Variants in SH2D4A observed in about 807,000 individuals in gnomAD.
SH2D4A encodes the protein SH2 domain-containing protein 4A.
Under a neutral mutation model 64.7 loss-of-function variants are expected in SH2D4A, and 70 were observed. The ratio of observed to expected loss-of-function variants is 1.08; its 90% confidence interval spans 0.89 to 1.32. The LOEUF (loss-of-function observed/expected upper bound fraction) is 1.32. SH2D4A is among the 40% of genes most tolerant of loss of function. The pLI, the probability that SH2D4A is intolerant of heterozygous loss-of-function variation, is 0.00. For synonymous variants in SH2D4A, 268 were observed against 200.7 expected (o/e 1.34, Z -2.83); for missense variants, 706 against 540.1 (o/e 1.31, Z -3.04).
intron 2 of SH2D4A, among the ~76,000 whole-genome samples, chr8:19,328,414 G>A (rs1217231235): frequency 6.6e-6 from 1 of 151,778 alleles, no homozygotes; most frequent in Non-Finnish European, 1.5e-5. Context: ...ACTTCTGCCT[G>A]TCCGCTGCTG....
intron 4 of SH2D4A, among the ~76,000 whole-genome samples, chr8:19,335,142 G>A (rs905256808): frequency 4.6e-5 from 7 of 152,086 alleles, no homozygotes; most frequent in African/African-American, 1.7e-4. Context: ...AAAAAAATTA[G>A]CTGGGCGTGG....
At chr8:19,357,800 C>T (rs1239167481) in intron 5 of SH2D4A, among the ~76,000 whole-genome samples, 1 of 152,140 alleles carries the variant, frequency 6.6e-6, no homozygotes, top group East Asian at 1.9e-4. Flanking sequence ...GTCGTGTGAG[C>T]TTGCTATCAT....
Position 19,350,951 on chromosome 8 carries a change from G to C in SH2D4A, c.514-6252G>C, listed in dbSNP as rs570485169. Among the ~76,000 whole-genome samples, 9 of 152,226 alleles carry C rather than the reference G, an allele frequency of 5.9e-5. No individual in the cohort carries two copies. The South Asian group carries it at 1.9e-3, about 32-fold the overall frequency. The stretch of plus-strand genomic sequence containing the variant: ...TTCCATTGTCCTAATTCATGTGTCA[G>C]TAAAATCACTCTACAAGGAGTTTGT... On this transcript the variant is annotated intron_variant, in intron 4 of 9. Transcript: ENST00000265807.
At chr8:19,335,709 T>C (rs1019287537) in intron 4 of SH2D4A, among the ~76,000 whole-genome samples, 1 of 152,184 alleles carries the variant, frequency 6.6e-6, no homozygotes, top group Non-Finnish European at 1.5e-5. Flanking sequence ...TCAGTGCCTG[T>C]TGGGCTTCAT....
chr8:19,359,862 C>T (rs2052851932), intron 5 of SH2D4A, among the ~76,000 whole-genome samples: 2 of 152,196 alleles, frequency 1.3e-5, no homozygotes, highest in South Asian at 4.1e-4. Flanking sequence ...GACATAATAG[C>T]AAGGAAGTCT....
At chr8:19,375,229 C>T (rs1172332407) in intron 8 of SH2D4A, 3 of 152,174 alleles carry the variant, frequency 2.0e-5, no homozygotes, top group South Asian at 4.1e-4. Context: ...ATAACCATTA[C>T]ATAGCCATAT....
intron 4 of SH2D4A, among the ~76,000 whole-genome samples, chr8:19,346,486 GGAAAGC>G (rs1335682885): frequency 6.6e-6 from 1 of 152,212 alleles, no homozygotes; most frequent in East Asian, 1.9e-4. Flanking sequence ...TCTAGTTGAA[GGAAAGC>G]AAGCCACTGA....
At chr8:19,359,653 G>T (rs2052847651) in intron 5 of SH2D4A, among the ~76,000 whole-genome samples, 2 of 151,710 alleles carry the variant, frequency 1.3e-5, no homozygotes, top group African/African-American at 2.4e-5. Flanking sequence ...TCAAATGTTG[G>T]CAAACAAAAG....
chr8:19,389,521 A>G (rs1239450222), intron 8 of SH2D4A, among the ~76,000 whole-genome samples: 3 of 152,140 alleles, frequency 2.0e-5, no homozygotes, highest in African/African-American at 7.2e-5. Context: ...TGTAGGGTGT[A>G]GGCTCAGGAG....
chr8:19,392,229 CAT>C (rs1221757177), intron 8 of SH2D4A, among the ~76,000 whole-genome samples: 5 of 152,180 alleles, frequency 3.3e-5, no homozygotes, highest in Admixed American at 1.3e-4. Flanking sequence ...TAAAGACACA[CAT>C]ATAGTTTTAT....
chr8:19,331,060 G>A (rs929696115), intron 2 of SH2D4A, among the ~76,000 whole-genome samples: 1 of 152,180 alleles, frequency 6.6e-6, no homozygotes, highest in African/African-American at 2.4e-5. Context: ...TTCTTTGGTA[G>A]TGCAGAGTCT....
chr8:19,375,418 C>A (rs1403956045), intron 8 of SH2D4A: 2 of 152,158 alleles, frequency 1.3e-5, no homozygotes, highest in Non-Finnish European at 2.9e-5. Context: ...TTGTCACATC[C>A]ACCATGAGTT....
intron 4 of SH2D4A, among the ~76,000 whole-genome samples, chr8:19,341,817 G>A (rs1049400919): frequency 2.7e-5 from 4 of 149,572 alleles, no homozygotes; most frequent in Admixed American, 6.7e-5. Flanking sequence ...ACTCTAGCCC[G>A]GGTGACAGAG....
chr8:19,349,283 T>G (rs2052660882), intron 4 of SH2D4A, among the ~76,000 whole-genome samples: 1 of 152,178 alleles, frequency 6.6e-6, no homozygotes, highest in Non-Finnish European at 1.5e-5. Context: ...GTAATAGAAT[T>G]TCACGGTAGG....
intron 8 of SH2D4A, among the ~76,000 whole-genome samples, chr8:19,379,768 G>C (rs977675040): frequency 6.6e-6 from 1 of 152,080 alleles, no homozygotes; most frequent in Admixed American, 6.6e-5. Flanking sequence ...ACAGGGTCTT[G>C]CTCTGTTGCC....
intron 4 of SH2D4A, among the ~76,000 whole-genome samples, chr8:19,345,787 T>C (rs768645813): frequency 1.5e-4 from 23 of 152,352 alleles, no homozygotes; most frequent in Middle Eastern, 3.4e-3. Context: ...TTTATACCAG[T>C]GTAACCCAAG....
rs115432993 is a variant in SH2D4A, at chr8:19,376,561, A to T, written c.1048+2901A>T. Among the ~76,000 whole-genome samples the T allele has an allele frequency of 8.1e-3, 1,240 of 152,166 alleles. 7 individuals carry two copies. The highest frequency in any genetic ancestry group is 0.013 in the Non-Finnish European group (904 of 67,980). ...TGCTTGAACCCAGGAGGCACAGGTT[A>T]TAGCGAGCTGAGATTGTGCCATTGC... On this transcript the variant is annotated intron_variant, in intron 8 of 9. Transcript: ENST00000265807.
At chr8:19,394,507 G>T in intron 9 of SH2D4A, 43 bp from the exon 10 acceptor site, 1 of 1,368,592 alleles carries the variant, frequency 7.3e-7, no homozygotes, top group Non-Finnish European at 1.0e-6. Flanking sequence ...AGAGCATGTG[G>T]TCACTACTTA....
chr8:19,365,700 A>C (rs2052981784), intron 7 of SH2D4A, among the ~76,000 whole-genome samples: 1 of 152,156 alleles, frequency 6.6e-6, no homozygotes, highest in African/African-American at 2.4e-5. Context: ...TTCCAACTGA[A>C]GACACTGCAT....
Sources: gnomAD v4.1 joint callset for allele counts (sites outside exome capture counted in the v4.1 genomes callset) on GRCh38, gnomAD v4.1.1 for gene constraint, MANE v1.5 for transcripts, NCBI Gene and HGNC (gene_info 2026-07-23, HGNC 2026-07-21) for gene names.